The following XPO5 variants were observed in gnomAD, a reference collection of about 807,000 sequenced individuals.
XPO5 encodes the protein exportin 5.
Under a neutral mutation model 160.6 loss-of-function variants are expected in XPO5, and 46 were observed. That is an observed-to-expected ratio of 0.29 (90% CI 0.23 to 0.37). XPO5 has a LOEUF of 0.37. XPO5 is among the 10% of genes least tolerant of loss of function. The probability of loss-of-function intolerance (pLI) is 1.00; values close to 1 mark genes in which losing one functional copy is unlikely to be tolerated. For synonymous variants in XPO5, 537 were observed against 519.3 expected, an observed-to-expected ratio of 1.03 and a Z score of -0.46; for missense variants, 1,090 against 1,463.9, an observed-to-expected ratio of 0.74 and a Z score of 4.17.
rs1762056633 is a variant in XPO5 at position 43,555,922 on chromosome 6, C to T, written c.1355G>A (p.Arg452His). ...QQGEVMRLAC[R>H]LDPKTSFQMA... ...CTGGAAGCTAGTTTTGGGATCCAAA[C>T]GACATGCCAACCTCATCACCTCTCC... is the stretch of plus-strand genomic sequence containing the variant. The change falls in exon 13 of 32, where the codon CGT becomes CAT. Residue 452 changes from arginine to histidine, a missense_variant. This residue lies in a region of XPO5 where 810 missense variants were observed against 1,139.0 expected (regional missense o/e 0.71). Coordinates refer to ENST00000265351, the MANE Select transcript of XPO5 (RefSeq NM_020750.3). 3 of 1,613,958 alleles carry T rather than the reference C, an allele frequency of 1.9e-6. No individual in the cohort carries two copies. The highest frequency in any genetic ancestry group is 1.1e-5 in the South Asian group (1 of 91,078).
At chr6:43,544,986 C>T (rs923105789) in intron 20 of XPO5, among the ~76,000 whole-genome samples, 5 of 152,140 alleles carry the variant, frequency 3.3e-5, no homozygotes, top group African/African-American at 1.2e-4. Context: ...GATTCTCCTG[C>T]CTCAGCCTCT....
chr6:43,560,440 A>G, intron 10 of XPO5, 137 bp from the exon 11 acceptor site: 2 of 1,108,122 alleles, frequency 1.8e-6, no homozygotes, highest in Non-Finnish European at 2.5e-6. Flanking sequence ...ACTGCAATTT[A>G]TCAGTAATGA....
chr6:43,568,687 T>C (rs1378308129), intron 6 of XPO5, 24 bp downstream of exon 6: 8 of 1,567,598 alleles, frequency 5.1e-6, no homozygotes, highest in Middle Eastern at 1.7e-4. Flanking sequence ...AAGGTCTCCT[T>C]CAAACTTTAT....
At chr6:43,547,802 T>A in intron 18 of XPO5, 95 bp from the exon 19 acceptor site, 1 of 1,051,800 alleles carries the variant, frequency 9.5e-7, no homozygotes, top group Non-Finnish European at 1.4e-6. Context: ...ATTTGGCCCT[T>A]AAGAGCAGTT....
intron 20 of XPO5, among the ~76,000 whole-genome samples, chr6:43,536,475 T>C (rs534200591): frequency 2.9e-4 from 44 of 150,536 alleles, no homozygotes; most frequent in South Asian, 2.3e-3. Context: ...AAGTTTTACT[T>C]TGGCCAGATG....
At chr6:43,566,655 CA>C in intron 7 of XPO5, 1 of 429,748 alleles carries the variant, frequency 2.3e-6, no homozygotes, top group South Asian at 1.6e-5. Context: ...CTAAAAAATA[CA>C]AAAATCAGTC....
At chr6:43,526,788 T>C in intron 26 of XPO5, 41 bp from the exon 27 acceptor site, 2 of 1,601,150 alleles carry the variant, frequency 1.2e-6, no homozygotes, top group Non-Finnish European at 1.7e-6. Context: ...AGGGTGGGTA[T>C]ATACTACCAC....
chr6:43,575,767 G>C lies in XPO5; in HGVS notation c.98C>G (p.Ala33Gly). 1.2e-6 allele frequency: 2 copies of C among 1,613,076 alleles called. No individual in the cohort carries two copies. The highest frequency in any genetic ancestry group is 1.7e-6 in the Non-Finnish European group (2 of 1,179,402). ...CGCCAGGACCCCAGCTACCTTGAGG[G>C]CTTCCAGCCGGTAGCGCTGGGTGGA... is the stretch of plus-strand genomic sequence containing the variant. Reference protein sequence around the residue: ...PNSTQRYRLEALKFCEEFKEK... With the variant: ...PNSTQRYRLEGLKFCEEFKEK... The change falls in exon 1 of 32, where the codon GCC (alanine) becomes GGC (glycine). Residue 33 changes from alanine to glycine, a missense_variant. By Grantham distance (60) the Ala-to-Gly change is moderately conservative (BLOSUM62 0). Around this residue, in one of 3 missense-constraint regions of XPO5, gnomAD observed 170 missense variants for 227.0 expected, o/e 0.75. Transcript: ENST00000265351.
intron 21 of XPO5, among the ~76,000 whole-genome samples, chr6:43,531,850 G>C (rs1380496976): frequency 6.6e-6 from 1 of 151,968 alleles, no homozygotes; most frequent in Non-Finnish European, 1.5e-5. Flanking sequence ...CAACTCAAAA[G>C]TATTTTTCCA....
chr6:43,528,085 T>TG, intron 25 of XPO5, 74 bp downstream of exon 25: 1 of 1,448,200 alleles, frequency 6.9e-7, no homozygotes, highest in Non-Finnish European at 9.5e-7. Flanking sequence ...GCAGAATCCC[T>TG]GCCCGCTTCC....
chr6:43,570,949 G>A lies in XPO5; in HGVS notation c.346C>T (p.Leu116=). The A allele has an allele frequency of 6.2e-7, 1 of 1,613,776 alleles. No homozygotes were observed. Reference sequence around the variant, plus strand: ...ATCATTTCCACTACAATTCGAGACAGAGCATCTTTAATATGGTTCTCCTCT... The same window carrying A: ...ATCATTTCCACTACAATTCGAGACAAAGCATCTTTAATATGGTTCTCCTCT... ...LEEENHIKDA[L]SRIVVEMIKR... The change falls in exon 4 of 32, where the codon CTG becomes TTG. Residue 116 remains leucine, a synonymous_variant. Transcript: ENST00000265351.
chr6:43,539,241 T>C, intron 20 of XPO5: 2 of 1,319,730 alleles, frequency 1.5e-6, no homozygotes, highest in South Asian at 1.2e-5. Flanking sequence ...GCCAGGATGA[T>C]GGCCCCACGG....
At chr6:43,555,750 G>A in intron 13 of XPO5, 86 bp downstream of exon 13, 1 of 1,532,418 alleles carries the variant, frequency 6.5e-7, no homozygotes, top group Non-Finnish European at 8.9e-7. Flanking sequence ...TCGTTCTGAT[G>A]TGTGTATAGC....
chr6:43,570,416 C>T (rs967784379), intron 5 of XPO5, 86 bp downstream of exon 5: 1 of 1,170,048 alleles, frequency 8.5e-7, no homozygotes, highest in Admixed American at 2.9e-5. Flanking sequence ...TTTTGCTGAC[C>T]TAGACACCCT....
intron 19 of XPO5, chr6:43,547,202 G>T: frequency 5.6e-6 from 2 of 354,824 alleles, no homozygotes; most frequent in Non-Finnish European, 1.1e-5. Flanking sequence ...GTGCCATAAT[G>T]GAGCCAGGAA....
chr6:43,543,946 G>A (rs1372112972), intron 20 of XPO5, among the ~76,000 whole-genome samples: 2 of 152,068 alleles, frequency 1.3e-5, no homozygotes, highest in Non-Finnish European at 2.9e-5. Context: ...CACAGTGCTG[G>A]GATTATAGGC....
At chr6:43,553,296 C>A in intron 14 of XPO5, 77 bp downstream of exon 14, 1 of 1,492,844 alleles carries the variant, frequency 6.7e-7, no homozygotes, top group South Asian at 1.3e-5. Flanking sequence ...AGAGATATAG[C>A]GTCCCAAAAT....
chr6:43,571,817 AG>A (rs1763025060), intron 3 of XPO5, among the ~76,000 whole-genome samples: 1 of 152,098 alleles, frequency 6.6e-6, no homozygotes, highest in Admixed American at 6.5e-5. Context: ...AAAAAAAAAA[AG>A]TCATATTCTA....
chr6:43,533,166 T>C (rs116770453), intron 21 of XPO5, among the ~76,000 whole-genome samples: 1 of 147,112 alleles, frequency 6.8e-6, no homozygotes, highest in East Asian at 2.0e-4. Flanking sequence ...AGGTAACAAT[T>C]GGGAAATGGC....
Sources: gnomAD v4.1 joint callset for allele counts (sites outside exome capture counted in the v4.1 genomes callset) on GRCh38, gnomAD v4.1.1 for gene constraint, gnomAD v4.1.1 regional missense constraint, MANE v1.5 for transcripts, NCBI Gene and HGNC (gene_info 2026-07-23, HGNC 2026-07-21) for gene names.